The following MALRD1 variants were observed in gnomAD, a reference collection of about 807,000 sequenced individuals.
MALRD1 encodes MAM and LDL-receptor class A domain-containing protein 1.
MALRD1 carries 247 observed loss-of-function variants against 242.1 expected under a neutral mutation model. The ratio of observed to expected loss-of-function variants is 1.02; its 90% CI spans 0.92 to 1.13. The LOEUF (loss-of-function observed/expected upper bound fraction) is 1.13, where lower values mean the gene tolerates loss of function less well. Among genes scored for constraint, MALRD1 ranks in the 50% most tolerant of loss-of-function variants. The pLI is 0.00. For synonymous variants in MALRD1, 995 were observed against 866.6 expected (o/e 1.15, Z -2.60); for missense variants, 2,989 against 2,533.1 (o/e 1.18, Z -3.86).
At chr10:19,122,727 G>T (rs930305194) in intron 5 of MALRD1, among the ~76,000 whole-genome samples, 4 of 151,906 alleles carry the variant, frequency 2.6e-5, no homozygotes, top group Non-Finnish European at 5.9e-5. Context: ...CAAAAACACA[G>T]GCACAATTTT....
In MALRD1 at chr10:19,209,566, C is replaced by T. The variant is rs955344033; in HGVS notation, c.2877C>T (p.Ile959=). The part of the protein sequence containing the change: ...MFGKRIYRLA[I]YQRIWSDSRG... ...GAAAGCGCATTTATAGGTTGGCAAT[C>T]TACCAACGAATCTGGAGTGACTCAA... Residue 959 remains isoleucine (I), a synonymous_variant, in exon 18 of 40, where the codon ATC becomes ATT. Coordinates refer to ENST00000454679, the MANE Select transcript of MALRD1 (RefSeq NM_001142308.3). 1 of 1,550,860 alleles carries T rather than the reference C, an allele frequency of 6.4e-7. No individual in the cohort carries two copies. The highest frequency in any genetic ancestry group is 2.0e-5 in the Admixed American group (1 of 50,996).
At chr10:19,316,187 A>G (rs938169930) in intron 21 of MALRD1, among the ~76,000 whole-genome samples, 1 of 151,506 alleles carries the variant, frequency 6.6e-6, no homozygotes, top group Non-Finnish European at 1.5e-5. Context: ...GTAAATATAC[A>G]TGTTCTATTA....
intron 29 of MALRD1, among the ~76,000 whole-genome samples, chr10:19,454,001 A>G (rs2131058113): frequency 6.6e-6 from 1 of 152,266 alleles, no homozygotes; most frequent in Non-Finnish European, 1.5e-5. Context: ...TGGAGGTTTC[A>G]ATGAGCCATG....
chr10:19,596,671 C>G (rs1005903530), intron 34 of MALRD1, among the ~76,000 whole-genome samples: 7 of 151,922 alleles, frequency 4.6e-5, no homozygotes, highest in Admixed American at 6.6e-5. Context: ...TTTGAGGCTG[C>G]AGTGAACTAT....
At chr10:19,491,203 G>A in intron 29 of MALRD1, 1 of 557,402 alleles carries the variant, frequency 1.8e-6, no homozygotes, top group Non-Finnish European at 3.3e-6. Flanking sequence ...GTGGCAGGCT[G>A]CACATACCCT....
At chr10:19,632,724 G>A (rs1468889901) in intron 36 of MALRD1, among the ~76,000 whole-genome samples, 2 of 151,872 alleles carry the variant, frequency 1.3e-5, no homozygotes, top group African/African-American at 4.8e-5. Context: ...AGACAGGGCA[G>A]AAAAACAAAA....
At chr10:19,695,541 A>T (rs1452554546) in intron 38 of MALRD1, among the ~76,000 whole-genome samples, 7 of 127,470 alleles carry the variant, frequency 5.5e-5, no homozygotes, top group Non-Finnish European at 9.6e-5. Context: ...TTTTTTTGAG[A>T]TGGAGTCTCA....
intron 33 of MALRD1, among the ~76,000 whole-genome samples, chr10:19,578,109 A>G (rs532353905): frequency 6.6e-6 from 1 of 151,780 alleles, no homozygotes; most frequent in African/African-American, 2.4e-5. Context: ...GGAGAATGCA[A>G]CACTGTTTTA....
At chr10:19,214,158 C>T (rs72786581) in intron 18 of MALRD1, among the ~76,000 whole-genome samples, 9,940 of 152,254 alleles carry the variant, frequency 0.065, 433 homozygotes, top group Middle Eastern at 0.11. Flanking sequence ...TCCTTCTTCT[C>T]GGAAACCTTG....
chr10:19,171,369 C>A (rs550885050), intron 13 of MALRD1, among the ~76,000 whole-genome samples: 2 of 147,798 alleles, frequency 1.4e-5, no homozygotes, highest in South Asian at 4.3e-4. Flanking sequence ...TACTGATTAC[C>A]AATTGATGCT....
At chr10:19,655,610 TATAAC>T (rs1392802439) in intron 36 of MALRD1, among the ~76,000 whole-genome samples, 3 of 147,176 alleles carry the variant, frequency 2.0e-5, no homozygotes, top group Non-Finnish European at 3.0e-5. Flanking sequence ...ATACATGAAA[TATAAC>T]ATAATTGCTT....
intron 4 of MALRD1, among the ~76,000 whole-genome samples, chr10:19,096,348 T>A (rs1363676250): frequency 2.6e-5 from 4 of 152,204 alleles, no homozygotes; most frequent in Non-Finnish European, 5.9e-5. Flanking sequence ...GTGCTTTAAA[T>A]GTACCAGTGG....
Position 19,508,518 on chromosome 10 carries a change from A to G in MALRD1, c.5320+9872A>G, listed in dbSNP as rs138827625. Among the ~76,000 whole-genome samples, 565 of 152,324 alleles carry G rather than the reference A, an allele frequency of 3.7e-3. 3 individuals carry two copies. The highest frequency in any genetic ancestry group is 0.013 in the African/African-American group (546 of 41,570). On this transcript the variant is annotated intron_variant, in intron 31 of 39. Coordinates refer to ENST00000454679, the MANE Select transcript of MALRD1 (RefSeq NM_001142308.3). ...ACTTTCTCCTGAACCTATACTGTCC[A>G]ATGTGTTAGCAACTAGCCACATGGA...
intron 36 of MALRD1, among the ~76,000 whole-genome samples, chr10:19,672,411 CTTTT>C (rs200485712): frequency 8.0e-6 from 1 of 125,580 alleles, no homozygotes; most frequent in Non-Finnish European, 1.7e-5. Context: ...AGATATATAG[CTTTT>C]TTTTTTTTTT....
At position 19,354,871 on chromosome 10, in the gene MALRD1, T is replaced by C. The variant is rs905724209; in HGVS notation, c.4441+2574T>C. Among the ~76,000 whole-genome samples the C allele has an allele frequency of 2.6e-5, 4 of 152,150 alleles. No homozygotes were observed. The South Asian group carries it at 6.2e-4, about 24-fold the overall frequency. On this transcript the variant is annotated intron_variant, in intron 26 of 39. Coordinates refer to ENST00000454679, the MANE Select transcript of MALRD1 (RefSeq NM_001142308.3). ...AAATATTACATGCCCCCTATAAGTA[T>C]GTACAGCTATTGTGTATCCATAAAT...
At chr10:19,257,662 A>AT (rs1427860464) in intron 18 of MALRD1, 22 bp from the exon 19 acceptor site, 10 of 1,476,328 alleles carry the variant, frequency 6.8e-6, no homozygotes, top group Admixed American at 6.1e-5. Context: ...TCTTATTTTT[A>AT]TTTTTTATTT....
At chr10:19,723,932 C>T (rs1257202127) in intron 38 of MALRD1, among the ~76,000 whole-genome samples, 1 of 150,738 alleles carries the variant, frequency 6.6e-6, no homozygotes, top group Non-Finnish European at 1.5e-5. Flanking sequence ...TTGGCATGCA[C>T]CTATAGTCCC....
chr10:19,572,893 G>A (rs892990461), intron 33 of MALRD1, among the ~76,000 whole-genome samples: 2 of 152,140 alleles, frequency 1.3e-5, no homozygotes, highest in African/African-American at 4.8e-5. Flanking sequence ...TCTTCAGAGA[G>A]AGCAGGGCTC....
At chr10:19,559,879 A>G (rs7893517) in intron 32 of MALRD1, among the ~76,000 whole-genome samples, 12,602 of 152,200 alleles carry the variant, frequency 0.083, 1,521 homozygotes, top group African/African-American at 0.27. Context: ...GCCAACAAAC[A>G]TATGAAAAAA....
Sources: allele counts gnomAD v4.1 joint callset (sites outside exome capture counted in the v4.1 genomes callset), GRCh38; gene constraint gnomAD v4.1.1; transcripts MANE v1.5; gene names NCBI Gene and HGNC (gene_info 2026-07-23, HGNC 2026-07-21).